NETO1: variants seen among roughly 807,000 people sequenced by gnomAD.
NETO1 encodes neuropilin and tolloid like 1, also known as neuropilin and tolloid-like protein 1.
In NETO1, 26 loss-of-function variants were observed where a neutral mutation model predicts 61.3. The ratio of observed to expected loss-of-function variants is 0.42; its 90% CI spans 0.31 to 0.59. NETO1 has a LOEUF of 0.59. NETO1 is among the 20% of genes least tolerant of loss of function. The pLI, the probability that NETO1 is intolerant of heterozygous loss-of-function variation, is 0.12. For synonymous variants in NETO1, 225 were observed against 225.8 expected (o/e 1.00, Z 0.03); for missense variants, 531 against 662.8 (o/e 0.80, Z 2.18).
At chr18:72,766,602 C>A (rs1277872020) in intron 7 of NETO1, among the ~76,000 whole-genome samples, 2 of 152,006 alleles carry the variant, frequency 1.3e-5, no homozygotes, top group Middle Eastern at 3.2e-3. Flanking sequence ...CCAGTATTAT[C>A]AAGATGTACA....
chr18:72,807,847 C>T (rs771435116), intron 4 of NETO1, among the ~76,000 whole-genome samples: 16 of 152,008 alleles, frequency 1.1e-4, no homozygotes, highest in Non-Finnish European at 1.5e-4. Context: ...GTTGCTGTTG[C>T]TGTTGTTGTT....
At chr18:72,840,387 G>A (rs1306066619) in intron 4 of NETO1, among the ~76,000 whole-genome samples, 2 of 152,190 alleles carry the variant, frequency 1.3e-5, no homozygotes, top group Non-Finnish European at 2.9e-5. Flanking sequence ...TAGCCCAGAA[G>A]CTATCATCCA....
At chr18:72,812,287 T>A (rs997039749) in intron 4 of NETO1, among the ~76,000 whole-genome samples, 7 of 152,230 alleles carry the variant, frequency 4.6e-5, no homozygotes, top group African/African-American at 1.7e-4. Flanking sequence ...TTCACAGCTG[T>A]GACCATGGAC....
intron 4 of NETO1, among the ~76,000 whole-genome samples, chr18:72,799,843 G>A (rs1291487407): frequency 1.3e-5 from 2 of 152,170 alleles, no homozygotes; most frequent in Non-Finnish European, 2.9e-5. Flanking sequence ...AGTCTCCCTG[G>A]CAACACATTT....
chr18:72,866,357 T>C (rs1042733721), intron 1 of NETO1, among the ~76,000 whole-genome samples: 5 of 152,208 alleles, frequency 3.3e-5, no homozygotes, highest in East Asian at 1.9e-4. Flanking sequence ...TGTTACTTTA[T>C]GCTCTAGCCA....
In NETO1 at chr18:72,858,942, C is replaced by T; in HGVS notation, c.353G>A (p.Cys118Tyr). The change falls in exon 4 of 11, where the codon TGT becomes TAT. Residue 118 changes from cysteine to tyrosine, a missense_variant. By Grantham distance (194) the Cys-to-Tyr change is radical. Coordinates refer to ENST00000327305, the MANE Select transcript of NETO1 (RefSeq NM_138966.5). ...FGFSPIIGRF[C>Y]GQQNPPVIKS... ...TATGACAGGTGGATTTTGTTGTCCACAGAAACGTCCAATTATTGGAGAAAA... is the reference window on the plus strand; with the variant it reads ...TATGACAGGTGGATTTTGTTGTCCATAGAAACGTCCAATTATTGGAGAAAA... 1 of 1,613,830 alleles carries T rather than the reference C, an allele frequency of 6.2e-7. No individual in the cohort carries two copies. The highest frequency in any genetic ancestry group is 1.1e-5 in the South Asian group (1 of 91,072).
intron 4 of NETO1, among the ~76,000 whole-genome samples, chr18:72,828,978 A>G (rs955954452): frequency 1.3e-5 from 2 of 148,756 alleles, no homozygotes; most frequent in African/African-American, 5.0e-5. Context: ...TAAAAAAAAA[A>G]TCTTAAGAAA....
At chr18:72,765,421 T>A (rs1162716816) in intron 7 of NETO1, among the ~76,000 whole-genome samples, 18 of 137,860 alleles carry the variant, frequency 1.3e-4, no homozygotes, top group African/African-American at 4.7e-4. Context: ...ATAAAAATTC[T>A]TTTTTTTTTT....
intron 7 of NETO1, among the ~76,000 whole-genome samples, chr18:72,760,701 TAA>T (rs2070942310): frequency 6.6e-6 from 1 of 152,132 alleles, no homozygotes; most frequent in Non-Finnish European, 1.5e-5. Context: ...CCAAGCGACT[TAA>T]TAATGCACAG....
At chr18:72,772,145 C>T (rs1237810136) in intron 7 of NETO1, among the ~76,000 whole-genome samples, 1 of 151,258 alleles carries the variant, frequency 6.6e-6, no homozygotes, top group African/African-American at 2.4e-5. Context: ...CTCAAAATTC[C>T]CCACCACGTA....
intron 4 of NETO1, among the ~76,000 whole-genome samples, chr18:72,812,968 T>G (rs2072915586): frequency 6.6e-6 from 1 of 152,216 alleles, no homozygotes; most frequent in Non-Finnish European, 1.5e-5. Context: ...GATTATATAG[T>G]ACTTTTATAA....
intron 4 of NETO1, among the ~76,000 whole-genome samples, chr18:72,821,809 C>G (rs186705372): frequency 2.6e-4 from 40 of 152,202 alleles, no homozygotes; most frequent in Admixed American, 2.0e-3. Context: ...GTAATCTTAT[C>G]CTAAGGGCCA....
chr18:72,754,624 A>G (rs918838312), intron 8 of NETO1, among the ~76,000 whole-genome samples: 3 of 152,192 alleles, frequency 2.0e-5, no homozygotes, highest in African/African-American at 7.2e-5. Context: ...AGGAAGATAT[A>G]ACAATTACAC....
intron 4 of NETO1, among the ~76,000 whole-genome samples, chr18:72,795,596 C>T (rs1279586781): frequency 4.6e-5 from 7 of 152,062 alleles, no homozygotes; most frequent in African/African-American, 1.7e-4. Context: ...AAGATTTATA[C>T]TCTTTTTTTT....
chr18:72,822,727 A>G (rs1416093608), intron 4 of NETO1, among the ~76,000 whole-genome samples: 1 of 152,188 alleles, frequency 6.6e-6, no homozygotes, highest in Admixed American at 6.5e-5. Flanking sequence ...AAAGCTGAAG[A>G]CTTCACTTGC....
intron 4 of NETO1, among the ~76,000 whole-genome samples, chr18:72,803,261 T>G (rs1482839122): frequency 6.6e-6 from 1 of 152,180 alleles, no homozygotes; most frequent in East Asian, 1.9e-4. Context: ...CAAATGTGAT[T>G]TTTGATTTGT....
chr18:72,834,838 T>C, intron 4 of NETO1: 1 of 981,322 alleles, frequency 1.0e-6, no homozygotes. Context: ...TTGGGGAGAG[T>C]GGAGACTATT....
At chr18:72,855,694 C>G (rs112022370) in intron 4 of NETO1, among the ~76,000 whole-genome samples, 2 of 151,926 alleles carry the variant, frequency 1.3e-5, no homozygotes, top group Admixed American at 6.6e-5. Flanking sequence ...GACTCAGATA[C>G]AAAGAAATAG....
At position 72,778,597 on chromosome 18, in the gene NETO1, A is replaced by G. The variant is rs2071635846; in HGVS notation, c.868+5081T>C. 1.3e-5 allele frequency among the ~76,000 whole-genome samples: 2 copies of G among 152,168 alleles called. 1 individual carries two copies. The highest frequency in any genetic ancestry group is 4.1e-4 in the South Asian group (2 of 4,832). On this transcript the variant is annotated intron_variant, in intron 7 of 10. Transcript: ENST00000327305. ...CACAATTCTGCCATATTCTTTGCCA[A>G]TTTATAACAAGGATGAACTTTCCTC...
Sources: gnomAD v4.1 joint callset for allele counts (sites outside exome capture counted in the v4.1 genomes callset) on GRCh38, gnomAD v4.1.1 for gene constraint, MANE v1.5 for transcripts, NCBI Gene and HGNC (gene_info 2026-07-23, HGNC 2026-07-21) for gene names.